The following BLTP1 variants were observed in gnomAD, a reference collection of about 807,000 sequenced individuals.
The protein encoded by BLTP1 is fragile site-associated protein.
the BLTP1 span, among the ~76,000 whole-genome samples, chr4:122,165,147 T>G: frequency 2.0e-5 from 3 of 152,086 alleles, no homozygotes; most frequent in Non-Finnish European, 4.4e-5. Flanking sequence ...CGTGTACATG[T>G]GCCATGCTGG....
the BLTP1 span, among the ~76,000 whole-genome samples, chr4:122,318,946 C>T: frequency 2.6e-4 from 39 of 152,228 alleles, no homozygotes; most frequent in Middle Eastern, 3.4e-3. Flanking sequence ...TTTTTCGTCT[C>T]TCCATTTTAG....
At chr4:122,189,936 G>A in the BLTP1 span, 2 of 1,573,110 alleles carry the variant, frequency 1.3e-6, no homozygotes, top group East Asian at 2.3e-5. Context: ...GCATTAACTA[G>A]GATACTGAAC....
the BLTP1 span, chr4:122,271,401 G>A: frequency 1.2e-6 from 2 of 1,613,908 alleles, no homozygotes; most frequent in South Asian, 1.1e-5. Flanking sequence ...CGCAGTTCTA[G>A]AGGAAGTCTT....
chr4:122,310,353 G>A, the BLTP1 span, among the ~76,000 whole-genome samples: 1 of 151,740 alleles, frequency 6.6e-6, no homozygotes, highest in Non-Finnish European at 1.5e-5. Flanking sequence ...ATTTGCTGGG[G>A]GGCTTGTGTA....
the BLTP1 span, among the ~76,000 whole-genome samples, chr4:122,182,377 C>T: frequency 6.6e-6 from 1 of 152,246 alleles, no homozygotes; most frequent in South Asian, 2.1e-4. Context: ...ATTGACTGTG[C>T]CTGCCAGGTG....
chr4:122,362,337 TTAAAA>T, the BLTP1 span: 7 of 981,100 alleles, frequency 7.1e-6, no homozygotes, highest in Non-Finnish European at 1.0e-5. Flanking sequence ...AAATATAACT[TTAAAA>T]TAATTCTAAA....
chr4:122,292,958 CA>C, the BLTP1 span: 11,332 of 464,738 alleles, frequency 0.024, no homozygotes, highest in Non-Finnish European at 0.029. Context: ...AAGGCTAATC[CA>C]AAAAAAAAAA....
the BLTP1 span, chr4:122,355,766 T>A: frequency 6.4e-6 from 10 of 1,559,624 alleles, no homozygotes; most frequent in Middle Eastern, 3.4e-4. Flanking sequence ...TTGTTTTAAT[T>A]TGACTCTCTC....
the BLTP1 span, chr4:122,186,201 G>A: frequency 1.2e-6 from 2 of 1,611,162 alleles, no homozygotes; most frequent in Non-Finnish European, 1.7e-6. Context: ...GGAAGAACAA[G>A]AACCCAATCG....
At chr4:122,285,750 G>T in the BLTP1 span, among the ~76,000 whole-genome samples, 1 of 152,292 alleles carries the variant, frequency 6.6e-6, no homozygotes, top group East Asian at 1.9e-4. Flanking sequence ...ATGTGCAGAA[G>T]AATATCAGTA....
chr4:122,170,174 C>T, the BLTP1 span: 12 of 307,150 alleles, frequency 3.9e-5, no homozygotes, highest in African/African-American at 1.6e-4. Context: ...GGCGTGGTGA[C>T]GCATGCCTGT....
chr4:122,315,850 C>T, the BLTP1 span, among the ~76,000 whole-genome samples: 5 of 152,080 alleles, frequency 3.3e-5, no homozygotes, highest in Non-Finnish European at 5.9e-5. Flanking sequence ...GTCTTTTAAT[C>T]GAGTTCTGTG....
chr4:122,211,019 A>G, the BLTP1 span: 1 of 1,613,624 alleles, frequency 6.2e-7, no homozygotes, highest in Non-Finnish European at 8.5e-7. Context: ...GATAAACTTC[A>G]TGTAGAAATG....
chr4:122,290,848 CATA>C, the BLTP1 span: 3 of 116,254 alleles, frequency 2.6e-5, no homozygotes, highest in Non-Finnish European at 3.5e-5. Flanking sequence ...CACACACACA[CATA>C]ATATTATATA....
the BLTP1 span, chr4:122,336,287 C>G: frequency 6.2e-7 from 1 of 1,612,508 alleles, no homozygotes; most frequent in Non-Finnish European, 8.5e-7. Flanking sequence ...TAGTCCCTGC[C>G]TATTAGACTT....
At chr4:122,256,177 G>A in the BLTP1 span, 1 of 985,006 alleles carries the variant, frequency 1.0e-6, no homozygotes, top group Non-Finnish European at 1.2e-6. Context: ...CAATGTATCA[G>A]TATTATTAAT....
At chr4:122,179,925 G>C in the BLTP1 span, 1 of 984,922 alleles carries the variant, frequency 1.0e-6, no homozygotes, top group African/African-American at 1.8e-5. Context: ...ATCAATGGAG[G>C]CATATCCCCA....
At chr4:122,281,873 ATAAG>A in the BLTP1 span, 1 of 1,332,286 alleles carries the variant, frequency 7.5e-7, no homozygotes, top group Non-Finnish European at 9.8e-7. Context: ...TATAGATATT[ATAAG>A]TAATTTTGAT....
the BLTP1 span, among the ~76,000 whole-genome samples, chr4:122,180,989 G>A: frequency 6.6e-6 from 1 of 152,188 alleles, no homozygotes; most frequent in Admixed American, 6.5e-5. Context: ...AATTTCTTGT[G>A]GTTAAGAAGA....
Sources: allele counts gnomAD v4.1 joint callset (sites outside exome capture counted in the v4.1 genomes callset), GRCh38; gene constraint gnomAD v4.1.1; transcripts MANE v1.5; gene names NCBI Gene and HGNC (gene_info 2026-07-23, HGNC 2026-07-21).